The following DPP10 variants were observed in gnomAD, a reference collection of about 807,000 sequenced individuals.
DPP10 encodes the protein inactive dipeptidyl peptidase 10.
In DPP10, 33 loss-of-function variants were observed where a neutral mutation model predicts 120.9. That is an observed-to-expected ratio of 0.27 (90% CI 0.21 to 0.37). DPP10 has a LOEUF of 0.37. DPP10 is among the 10% of genes least tolerant of loss of function. The pLI, the probability that DPP10 is intolerant of heterozygous loss-of-function variation, is 1.00. For missense variants in DPP10, 816 were observed against 942.8 expected (o/e 0.87, Z 1.76); for synonymous variants, 337 against 326.1 (o/e 1.03, Z -0.36).
intron 1 of DPP10, among the ~76,000 whole-genome samples, chr2:115,038,001 C>A (rs1176686257): frequency 6.6e-6 from 1 of 152,076 alleles, no homozygotes; most frequent in Non-Finnish European, 1.5e-5. Flanking sequence ...TTTAACATTT[C>A]TCAGGTGAAT....
Position 115,402,842 on chromosome 2 carries a change from GAAAA to G in DPP10, c.271+58940_271+58943del, listed in dbSNP as rs1553584302. The stretch of plus-strand genomic sequence containing the variant: ...CAAAGGCAGACAAGGACACTACAAG[GAAAA>G]AAAAAAAAATATATATATATATATA... On this transcript the variant is annotated intron_variant, in intron 3 of 25. Transcript: ENST00000410059. Among the ~76,000 whole-genome samples, 32 of 38,492 alleles carry G rather than the reference GAAAA, an allele frequency of 8.3e-4. 1 individual carries two copies. The highest frequency in any genetic ancestry group is 2.2e-3 in the African/African-American group (31 of 13,878). 25.3% of individuals were successfully genotyped at this position (38,492 alleles called of 152,430 possible).
At chr2:115,563,409 GA>G (rs1558855225) in intron 5 of DPP10, among the ~76,000 whole-genome samples, 1 of 151,904 alleles carries the variant, frequency 6.6e-6, no homozygotes, top group East Asian at 1.9e-4. Context: ...TTTCTGATCC[GA>G]AAAGAGCAAA....
chr2:114,531,944 T>C (rs954388104), intron 1 of DPP10, among the ~76,000 whole-genome samples: 4 of 151,948 alleles, frequency 2.6e-5, no homozygotes, highest in African/African-American at 4.8e-5. Flanking sequence ...ATCAAGAAGA[T>C]TGCCCTCCCC....
chr2:115,283,765 C>T (rs1428022641), intron 1 of DPP10, among the ~76,000 whole-genome samples: 1 of 152,004 alleles, frequency 6.6e-6, no homozygotes, highest in Non-Finnish European at 1.5e-5. Context: ...TGATGGACTA[C>T]ATATATGACA....
intron 1 of DPP10, among the ~76,000 whole-genome samples, chr2:114,978,323 T>C (rs182634631): frequency 6.6e-6 from 1 of 152,322 alleles, no homozygotes; most frequent in East Asian, 1.9e-4. Flanking sequence ...AAGAATTCAG[T>C]AGGTCTCATT....
intron 5 of DPP10, among the ~76,000 whole-genome samples, chr2:115,544,780 T>C (rs907144179): frequency 6.6e-6 from 1 of 152,080 alleles, no homozygotes; most frequent in Non-Finnish European, 1.5e-5. Context: ...CAGAGGGGTA[T>C]AAACTGTTCC....
rs1281282870 is a variant in DPP10, at chr2:115,402,903, G to GTA, written c.271+58999_271+59000dup. Among the ~76,000 whole-genome samples the GTA allele has an allele frequency of 8.3e-5, 9 of 108,544 alleles. No individual in the cohort carries two copies. The South Asian group carries it at 1.7e-3, about 21-fold the overall frequency. The allele number at this position is 108,544 out of a possible 152,430, so 71.2% of individuals were successfully genotyped here. On this transcript the variant is annotated intron_variant, in intron 3 of 25. Coordinates refer to ENST00000410059, the MANE Select transcript of DPP10 (RefSeq NM_020868.6). ...TGTGTGTGTGTGTGTATATATATAT[G>GTA]TATATATATGTGTGTATATATATAT...
chr2:115,081,220 C>T (rs1573537372), intron 1 of DPP10, among the ~76,000 whole-genome samples: 1 of 152,180 alleles, frequency 6.6e-6, no homozygotes, highest in South Asian at 2.1e-4. Context: ...AGCTGTCCTC[C>T]AGTCTCTCCT....
At chr2:115,699,032 A>AAAAAAAAAAAAAAAAAAAAAAAAAAAAAG (rs2091750618) in intron 7 of DPP10, among the ~76,000 whole-genome samples, 1 of 31,172 alleles carries the variant, frequency 3.2e-5, no homozygotes, top group Non-Finnish European at 8.2e-5. Context: ...GAAAAAAAAA[A>AAAAAAAAAAAAAAAAAAAAAAAAAAAAAG]AAACAAAAAA....
At chr2:114,826,807 C>T (rs537689292) in intron 1 of DPP10, among the ~76,000 whole-genome samples, 25 of 152,262 alleles carry the variant, frequency 1.6e-4, no homozygotes, top group Non-Finnish European at 3.4e-4. Flanking sequence ...GGATTACAGG[C>T]GTGAGCCACC....
At chr2:114,533,418 C>T (rs1034782256) in intron 1 of DPP10, among the ~76,000 whole-genome samples, 2 of 151,944 alleles carry the variant, frequency 1.3e-5, no homozygotes, top group African/African-American at 4.8e-5. Flanking sequence ...ACAATGAGAA[C>T]ACATGGACAC....
At chr2:114,688,695 T>G (rs1411478089) in intron 1 of DPP10, among the ~76,000 whole-genome samples, 3 of 151,918 alleles carry the variant, frequency 2.0e-5, no homozygotes, top group Non-Finnish European at 4.4e-5. Context: ...TCTAAGTGAC[T>G]GACAAGTGCG....
intron 3 of DPP10, among the ~76,000 whole-genome samples, chr2:115,420,805 T>C (rs2104676553): frequency 6.6e-6 from 1 of 152,070 alleles, no homozygotes; most frequent in East Asian, 1.9e-4. Flanking sequence ...AAGACAACAG[T>C]AGAAGGACCA....
At chr2:115,082,703 C>T (rs1433718989) in intron 1 of DPP10, among the ~76,000 whole-genome samples, 4 of 152,188 alleles carry the variant, frequency 2.6e-5, no homozygotes, top group African/African-American at 9.7e-5. Context: ...GTGCCCTACT[C>T]ATTCCAGCCA....
chr2:115,160,568 T>C (rs1028419684), intron 1 of DPP10, among the ~76,000 whole-genome samples: 3 of 152,162 alleles, frequency 2.0e-5, no homozygotes, highest in South Asian at 4.1e-4. Context: ...CTGCTGGAAC[T>C]GTCTTGTGCT....
chr2:115,099,140 A>G (rs955804823), intron 1 of DPP10, among the ~76,000 whole-genome samples: 10 of 150,292 alleles, frequency 6.7e-5, no homozygotes, highest in Non-Finnish European at 1.3e-4. Flanking sequence ...CAAAAAAAAA[A>G]AAAAAAGAAA....
chr2:115,477,272 CA>C (rs2075147155), intron 3 of DPP10, among the ~76,000 whole-genome samples: 1 of 152,006 alleles, frequency 6.6e-6, no homozygotes. Flanking sequence ...TAAAGATTTC[CA>C]AAAAGTTTGT....
intron 5 of DPP10, among the ~76,000 whole-genome samples, chr2:115,628,386 T>TA (rs1463251513): frequency 6.6e-6 from 1 of 152,202 alleles, no homozygotes; most frequent in Non-Finnish European, 1.5e-5. Flanking sequence ...TCTTGTAAAT[T>TA]AATTTAAGTT....
rs547127611 is a variant in DPP10, at chr2:115,777,139, T to A, written c.1222-69T>A. The A allele has an allele frequency of 1.8e-4, 250 of 1,378,880 alleles. 2 individuals carry two copies. The South Asian group carries it at 2.6e-3, about 14-fold the overall frequency. The allele number at this position is 1,378,880 out of a possible 1,614,324, so 85.4% of individuals were successfully genotyped here. A position where few individuals can be genotyped will look rare whatever the true frequency, so the allele number is the denominator to read the frequency against. ...AATTCGAAGTGTCACAAGCAGTTGG[T>A]ACATTCGTGTTTACCAGAGAGATGC... On this transcript the variant is annotated intron_variant, in intron 13 of 25. Transcript: ENST00000410059.
Sources: gnomAD v4.1 joint callset for allele counts (sites outside exome capture counted in the v4.1 genomes callset) on GRCh38, gnomAD v4.1.1 for gene constraint, MANE v1.5 for transcripts, NCBI Gene and HGNC (gene_info 2026-07-23, HGNC 2026-07-21) for gene names.